The following DLG2 variants were observed in gnomAD, a reference collection of about 807,000 sequenced individuals.
The protein encoded by DLG2 is discs large MAGUK scaffold protein 2.
Under a neutral mutation model 132.5 loss-of-function variants are expected in DLG2, and 45 were observed. The observed-to-expected ratio is 0.34, with a 90% confidence interval of 0.27 to 0.44. The LOEUF (loss-of-function observed/expected upper bound fraction) is 0.44. Among genes scored for constraint, DLG2 ranks in the 20% least tolerant of loss-of-function variants. DLG2 has a pLI of 1.00. For missense variants in DLG2, 1,045 were observed against 1,196.9 expected (o/e 0.87, Z 1.87); for synonymous variants, 424 against 419.6 (o/e 1.01, Z -0.13).
chr11:85,250,884 G>A (rs563923012), intron 4 of DLG2, among the ~76,000 whole-genome samples: 1 of 152,156 alleles, frequency 6.6e-6, no homozygotes, highest in South Asian at 2.1e-4. Flanking sequence ...AACTACAAAT[G>A]TTTAAGATTA....
At chr11:85,256,501 A>G (rs2076671502) in intron 4 of DLG2, among the ~76,000 whole-genome samples, 1 of 152,182 alleles carries the variant, frequency 6.6e-6, no homozygotes. Flanking sequence ...TTAACACTTA[A>G]GCCACCTGCA....
At chr11:85,224,649 T>C (rs1427871252) in intron 4 of DLG2, among the ~76,000 whole-genome samples, 2 of 152,230 alleles carry the variant, frequency 1.3e-5, no homozygotes, top group Admixed American at 1.3e-4. Context: ...GATAGGGTTA[T>C]GAATGATTTA....
chr11:84,410,948 T>G (rs573014665), intron 7 of DLG2, among the ~76,000 whole-genome samples: 2 of 152,324 alleles, frequency 1.3e-5, no homozygotes, highest in Admixed American at 6.5e-5. Flanking sequence ...ACTTATTGTC[T>G]TTTATGTAGA....
At chr11:84,941,911 CCATCT>C (rs924866439) in intron 6 of DLG2, among the ~76,000 whole-genome samples, 3 of 152,078 alleles carry the variant, frequency 2.0e-5, no homozygotes, top group Non-Finnish European at 4.4e-5. Flanking sequence ...ATTATGGCTA[CCATCT>C]CATTACTTCT....
intron 6 of DLG2, among the ~76,000 whole-genome samples, chr11:84,681,287 C>T (rs1014505186): frequency 2.6e-5 from 4 of 152,154 alleles, no homozygotes; most frequent in Admixed American, 2.6e-4. Flanking sequence ...AGAATATGTG[C>T]CCATCTCTGT....
At chr11:85,088,791 G>A (rs1431650617) in intron 6 of DLG2, among the ~76,000 whole-genome samples, 2 of 152,084 alleles carry the variant, frequency 1.3e-5, no homozygotes, top group African/African-American at 4.8e-5. Context: ...CCTATTTTAA[G>A]CACTAGAACC....
At chr11:85,392,879 G>A (rs1421560593) in intron 3 of DLG2, among the ~76,000 whole-genome samples, 3 of 152,084 alleles carry the variant, frequency 2.0e-5, no homozygotes, top group African/African-American at 7.2e-5. Flanking sequence ...AATTCTAGAA[G>A]ATAACATCGG....
intron 6 of DLG2, among the ~76,000 whole-genome samples, chr11:84,855,806 G>T (rs1474568003): frequency 2.0e-5 from 3 of 152,024 alleles, no homozygotes; most frequent in Admixed American, 1.3e-4. Context: ...AATTCTGAAT[G>T]AATTAGCAGT....
chr11:85,393,522 G>C (rs1298050908), intron 3 of DLG2, among the ~76,000 whole-genome samples: 1 of 151,926 alleles, frequency 6.6e-6, no homozygotes, highest in African/African-American at 2.4e-5. Flanking sequence ...GCACACACAC[G>C]TGTATAGCAG....
chr11:84,600,521 G>A (rs573824690), intron 6 of DLG2, among the ~76,000 whole-genome samples: 1 of 152,286 alleles, frequency 6.6e-6, no homozygotes, highest in East Asian at 1.9e-4. Context: ...TTGAGGCTAA[G>A]TAACTTGTTC....
chr11:84,353,181 C>T (rs1415008314), intron 7 of DLG2, among the ~76,000 whole-genome samples: 1 of 152,334 alleles, frequency 6.6e-6, no homozygotes, highest in South Asian at 2.1e-4. Flanking sequence ...TTACTGCCAA[C>T]TGTTTTTTAC....
chr11:84,756,428 T>C (rs1565883222), intron 6 of DLG2, among the ~76,000 whole-genome samples: 1 of 152,224 alleles, frequency 6.6e-6, no homozygotes, highest in Non-Finnish European at 1.5e-5. Flanking sequence ...AGCTATTGAC[T>C]ATGTTTATAC....
At chr11:85,606,991 A>T (rs1363932520) in intron 2 of DLG2, among the ~76,000 whole-genome samples, 1 of 152,222 alleles carries the variant, frequency 6.6e-6, no homozygotes. Flanking sequence ...TTCATTCTTG[A>T]AGTCAGAGAG....
At position 84,714,595 on chromosome 11, in the gene DLG2, T is replaced by TTCTCTTTCTCTTTC. The variant is rs1351118874; in HGVS notation, c.358-179865_358-179864insGAAAGAGAAAGAGA. Among the ~76,000 whole-genome samples, 28 of 103,908 alleles carry TTCTCTTTCTCTTTC rather than the reference T, an allele frequency of 2.7e-4. 4 individuals carry two copies. Among genetic ancestry groups the TTCTCTTTCTCTTTC allele is most frequent in the African/African-American group, 1.1e-3 (28 of 24,688 alleles). 68.2% of individuals were successfully genotyped at this position (103,908 alleles called of 152,430 possible). On this transcript the variant is annotated intron_variant, in intron 6 of 27. Transcript: ENST00000376104. The stretch of plus-strand genomic sequence containing the variant: ...TTTCTCTTTCTCTTTCTCTTTCTCT[T>TTCTCTTTCTCTTTC]TCTTTCTCTTTCTCTTTCTCTTTCT...
chr11:84,837,373 C>G (rs2226856), intron 6 of DLG2, among the ~76,000 whole-genome samples: 82,812 of 151,396 alleles, frequency 0.55, 23,787 homozygotes, highest in African/African-American at 0.71. Context: ...CTGAATATCT[C>G]AGTTTGAAGA....
At chr11:83,470,145 GTAA>G (rs2091834634) in intron 24 of DLG2, among the ~76,000 whole-genome samples, 1 of 148,910 alleles carries the variant, frequency 6.7e-6, no homozygotes, top group Non-Finnish European at 1.5e-5. Flanking sequence ...TATTTTATAA[GTAA>G]TAATTATAAC....
intron 18 of DLG2, among the ~76,000 whole-genome samples, chr11:83,730,146 G>GTTTTTTTTTTTT (rs541441004): frequency 1.8e-5 from 2 of 111,004 alleles, no homozygotes; most frequent in African/African-American, 3.5e-5. Context: ...TTTTTTTATG[G>GTTTTTTTTTTTT]TTTTTTTTTT....
intron 10 of DLG2, among the ~76,000 whole-genome samples, chr11:84,066,237 A>C (rs1463871314): frequency 6.6e-6 from 1 of 152,236 alleles, no homozygotes; most frequent in Non-Finnish European, 1.5e-5. Context: ...AAAGAAAAAA[A>C]TAATAAATGC....
chr11:85,392,243 C>A (rs1173478788), intron 3 of DLG2, among the ~76,000 whole-genome samples: 1 of 151,904 alleles, frequency 6.6e-6, no homozygotes, highest in East Asian at 1.9e-4. Context: ...AGGTGAAAGA[C>A]CTCTGCAAGG....
Sources: gnomAD v4.1 joint callset for allele counts (sites outside exome capture counted in the v4.1 genomes callset) on GRCh38, gnomAD v4.1.1 for gene constraint, MANE v1.5 for transcripts, NCBI Gene and HGNC (gene_info 2026-07-23, HGNC 2026-07-21) for gene names.